CDK17: variants seen among roughly 807,000 people sequenced by gnomAD.
The protein encoded by CDK17 is cyclin dependent kinase 17, also known as cyclin-dependent kinase 17.
A neutral mutation model predicts 77.6 loss-of-function variants in CDK17; 24 were observed. The ratio of observed to expected loss-of-function variants is 0.31; its 90% CI spans 0.22 to 0.44. The LOEUF is 0.44. Ranked by LOEUF, CDK17 falls within the 20% of genes least tolerant of loss-of-function variation. The pLI, the probability that CDK17 is intolerant of heterozygous loss-of-function variation, is 1.00. For synonymous variants in CDK17, 203 were observed against 210.4 expected, an observed-to-expected ratio of 0.96 and a Z score of 0.30; for missense variants, 429 against 622.5, an observed-to-expected ratio of 0.69 and a Z score of 3.31.
At chr12:96,338,175 T>C (rs1389998683) in intron 1 of CDK17, among the ~76,000 whole-genome samples, 1 of 152,208 alleles carries the variant, frequency 6.6e-6, no homozygotes, top group Non-Finnish European at 1.5e-5. Context: ...ACAGTAATTT[T>C]CTTGCACAAC....
intron 1 of CDK17, among the ~76,000 whole-genome samples, chr12:96,368,226 C>T (rs892942866): frequency 2.0e-5 from 3 of 152,026 alleles, no homozygotes; most frequent in African/African-American, 7.2e-5. Flanking sequence ...CTGAATCTAC[C>T]TAAGTTATAA....
At position 96,400,067 on chromosome 12, in the gene CDK17, C is replaced by A; in HGVS notation, c.-111G>T. ...GCTGCTCCGCGGACGCCCGCGGCGA[C>A]CGGATGCAAGTCCGGGTCTCAGCGG... On this transcript the variant is annotated 5_prime_UTR_variant, in exon 1 of 17. Transcript: ENST00000261211. 1 of 389,566 alleles carries A rather than the reference C, an allele frequency of 2.6e-6. No homozygotes were observed. The highest frequency in any genetic ancestry group is 4.5e-6 in the Non-Finnish European group (1 of 220,440). 24.1% of individuals were successfully genotyped at this position (389,566 alleles called of 1,614,324 possible).
In CDK17 at chr12:96,282,587, T is replaced by G. The variant is rs1218517732; in HGVS notation, c.1378A>C (p.Lys460Gln). 3.7e-6 allele frequency: 6 copies of G among 1,610,964 alleles called. No homozygotes were observed. Among genetic ancestry groups the G allele is most frequent in the African/African-American group, 1.3e-5 (1 of 75,012 alleles). ...ITKFLQYESK[K>Q]RVSAEEAMKH... ...ATGGCCTCTTCAGCTGAAACCCTTTTCTTAGATTCATACTGTGAAAAAGCA... is the reference window on the plus strand; with the variant it reads ...ATGGCCTCTTCAGCTGAAACCCTTTGCTTAGATTCATACTGTGAAAAAGCA... Residue 460 changes from lysine to glutamine, a missense_variant, in exon 15 of 17, where the codon AAA becomes CAA. Physicochemically the swap from Lys to Gln is moderately conservative, Grantham distance 53. This residue lies in a region of CDK17 where 115 missense variants were observed against 124.2 expected (regional missense o/e 0.93). Coordinates refer to ENST00000261211, the MANE Select transcript of CDK17 (RefSeq NM_002595.5).
At chr12:96,286,500 C>T (rs1952248367) in intron 12 of CDK17, among the ~76,000 whole-genome samples, 164 bp downstream of exon 12, 1 of 152,080 alleles carries the variant, frequency 6.6e-6, no homozygotes, top group Non-Finnish European at 1.5e-5. Context: ...GATGAAGTTA[C>T]CTAGAAGGAT....
intron 1 of CDK17, among the ~76,000 whole-genome samples, chr12:96,383,015 T>G (rs1953911702): frequency 6.6e-6 from 1 of 152,116 alleles, no homozygotes; most frequent in South Asian, 2.1e-4. Flanking sequence ...TCTAGAAAAC[T>G]CTAAAGACTC....
chr12:96,279,583 T>A lies in CDK17; in HGVS notation c.*659A>T, dbSNP rs1269266981. ...TAATTTGTTGGTGTCTAATGTGAGATCCTCAAAATGTCAGGGATTCACTTG... is the reference window on the plus strand; with the variant it reads ...TAATTTGTTGGTGTCTAATGTGAGAACCTCAAAATGTCAGGGATTCACTTG... On this transcript the variant is annotated 3_prime_UTR_variant, in exon 17 of 17. Transcript: ENST00000261211. The A allele has an allele frequency of 6.6e-6, 1 of 152,246 alleles. No individual in the cohort carries two copies. The highest frequency in any genetic ancestry group is 1.5e-5 in the Non-Finnish European group (1 of 68,032). 9.4% of individuals were successfully genotyped at this position (152,246 alleles called of 1,614,324 possible).
In CDK17 at chr12:96,278,294, C is replaced by T. The variant is rs1452511251; in HGVS notation, c.*1948G>A. The stretch of plus-strand genomic sequence containing the variant: ...CATCTTTTATACGCAAGAATTAAGC[C>T]TATGAAAAGCTATAATGTCAAATTT... On this transcript the variant is annotated 3_prime_UTR_variant, in exon 17 of 17. Transcript: ENST00000261211. 1 of 151,892 alleles carries T rather than the reference C, an allele frequency of 6.6e-6. No homozygotes were observed. The highest frequency in any genetic ancestry group is 2.4e-5 in the African/African-American group (1 of 41,344). The allele number at this position is 151,892 out of a possible 1,614,324, so 9.4% of individuals were successfully genotyped here.
At position 96,316,665 on chromosome 12, in the gene CDK17, CCTAA is replaced by C. The variant is rs1362486189; in HGVS notation, c.284-3215_284-3212del. Among the ~76,000 whole-genome samples the C allele has an allele frequency of 1.2e-4, 15 of 129,686 alleles. 4 individuals are homozygous for C. The highest frequency in any genetic ancestry group is 2.0e-4 in the Non-Finnish European group (12 of 60,520). 85.1% of individuals were successfully genotyped at this position (129,686 alleles called of 152,430 possible). ...CCCTGACCCCCTGACCCCCGAGCAG[CCTAA>C]CTGTGAGGCACCCCCCAGCAGGGGC... On this transcript the variant is annotated intron_variant, in intron 3 of 16. Transcript: ENST00000261211.
At chr12:96,349,151 C>T (rs1953272498) in intron 1 of CDK17, among the ~76,000 whole-genome samples, 2 of 152,266 alleles carry the variant, frequency 1.3e-5, no homozygotes, top group East Asian at 3.9e-4. Flanking sequence ...GGTGGTTCAA[C>T]ATAAGAAAAT....
chr12:96,332,906 C>A (rs1952991824), intron 2 of CDK17, among the ~76,000 whole-genome samples: 1 of 152,130 alleles, frequency 6.6e-6, no homozygotes, highest in Admixed American at 6.5e-5. Context: ...CCAAAATATT[C>A]TAGAAAATAT....
intron 9 of CDK17, among the ~76,000 whole-genome samples, chr12:96,296,917 G>A (rs955661977): frequency 7.2e-5 from 11 of 152,028 alleles, no homozygotes; most frequent in African/African-American, 2.4e-4. Context: ...TATTTGGGGA[G>A]TTCACTATTT....
At chr12:96,326,438 G>A (rs949992313) in intron 2 of CDK17, among the ~76,000 whole-genome samples, 2 of 152,194 alleles carry the variant, frequency 1.3e-5, no homozygotes, top group Non-Finnish European at 2.9e-5. Flanking sequence ...TCTCTGCTGA[G>A]ATATTTTTAA....
chr12:96,334,455 G>A (rs967194990), intron 2 of CDK17, among the ~76,000 whole-genome samples: 1 of 152,086 alleles, frequency 6.6e-6, no homozygotes, highest in African/African-American at 2.4e-5. Context: ...TCTTCTTTAA[G>A]AACTAGTGAA....
intron 1 of CDK17, among the ~76,000 whole-genome samples, chr12:96,341,613 T>C (rs1430598650): frequency 3.9e-5 from 6 of 152,184 alleles, no homozygotes; most frequent in East Asian, 1.9e-4. Context: ...TTATCTGCTA[T>C]ACAATTAAGG....
chr12:96,304,649 T>C (rs1203797828), intron 5 of CDK17, among the ~76,000 whole-genome samples: 1 of 152,224 alleles, frequency 6.6e-6, no homozygotes, highest in Non-Finnish European at 1.5e-5. Flanking sequence ...GTTTTATCCC[T>C]TAGACTTGGT....
At chr12:96,316,455 C>T (rs1326000287) in intron 3 of CDK17, among the ~76,000 whole-genome samples, 5 of 147,082 alleles carry the variant, frequency 3.4e-5, no homozygotes, top group Non-Finnish European at 7.5e-5. Context: ...GAGCCCACCA[C>T]AGCTCAAGGA....
intron 3 of CDK17, among the ~76,000 whole-genome samples, 170 bp from the exon 4 acceptor site, chr12:96,313,624 T>C (rs1952671588): frequency 6.6e-6 from 1 of 152,136 alleles, no homozygotes; most frequent in Admixed American, 6.5e-5. Flanking sequence ...ATGACTCAAA[T>C]GTCTTAAAAT....
At chr12:96,334,996 C>A in intron 1 of CDK17, 131 bp from the exon 2 acceptor site, 1 of 685,006 alleles carries the variant, frequency 1.5e-6, no homozygotes, top group Non-Finnish European at 2.7e-6. Context: ...CCAAACATCA[C>A]CAAATCCAAC....
At chr12:96,366,847 A>G (rs1052198695) in intron 1 of CDK17, among the ~76,000 whole-genome samples, 9 of 152,184 alleles carry the variant, frequency 5.9e-5, no homozygotes, top group African/African-American at 2.2e-4. Context: ...TTCTGAGTAG[A>G]AAGATATCAA....
Sources: allele counts gnomAD v4.1 joint callset (sites outside exome capture counted in the v4.1 genomes callset), GRCh38; gene constraint gnomAD v4.1.1; regional missense constraint gnomAD v4.1.1; transcripts MANE v1.5; gene names NCBI Gene and HGNC (gene_info 2026-07-23, HGNC 2026-07-21).